Variants in FOXJ3 observed in about 807,000 individuals in gnomAD.
The protein encoded by FOXJ3 is forkhead box J3.
FOXJ3 carries 22 observed loss-of-function variants against 76.1 expected under a neutral mutation model. The observed-to-expected ratio is 0.29, with a 90% confidence interval of 0.21 to 0.41. The LOEUF is 0.41. FOXJ3 is among the 10% of genes least tolerant of loss of function. The probability of loss-of-function intolerance (pLI) is 1.00; values close to 1 mark genes in which losing one functional copy is unlikely to be tolerated. For missense variants in FOXJ3, 613 were observed against 762.1 expected, an observed-to-expected ratio of 0.80 and a Z score of 2.30; for synonymous variants, 269 against 261.2, an observed-to-expected ratio of 1.03 and a Z score of -0.29.
intron 1 of FOXJ3, among the ~76,000 whole-genome samples, chr1:42,316,333 C>CTTTTTTTT (rs71065173): frequency 2.7e-5 from 2 of 73,916 alleles, no homozygotes; most frequent in African/African-American, 4.3e-5. Context: ...TGCATTGGGC[C>CTTTTTTTT]TTTTTTTTTT....
At chr1:42,251,797 C>A (rs112581028) in intron 4 of FOXJ3, among the ~76,000 whole-genome samples, 3,007 of 147,546 alleles carry the variant, frequency 0.02, 104 homozygotes, top group African/African-American at 0.073. Context: ...CGACTCACTG[C>A]AAGCTCCGCC....
chr1:42,228,949 T>C (rs1647824290), intron 4 of FOXJ3, among the ~76,000 whole-genome samples: 1 of 152,218 alleles, frequency 6.6e-6, no homozygotes, highest in African/African-American at 2.4e-5. Context: ...TAGGCCGTTT[T>C]TTAAGGCAAC....
chr1:42,328,641 C>T (rs566283160), intron 1 of FOXJ3, among the ~76,000 whole-genome samples: 1 of 151,062 alleles, frequency 6.6e-6, no homozygotes, highest in African/African-American at 2.4e-5. Context: ...TAATATGGTC[C>T]TAATTATCTC....
At chr1:42,199,000 A>C in intron 7 of FOXJ3, 102 bp downstream of exon 7, 1 of 940,054 alleles carries the variant, frequency 1.1e-6, no homozygotes, top group South Asian at 1.7e-5. Flanking sequence ...TATTAGTGAG[A>C]AAAACATACC....
chr1:42,231,373 A>G (rs1453788794), intron 4 of FOXJ3, among the ~76,000 whole-genome samples: 1 of 152,128 alleles, frequency 6.6e-6, no homozygotes, highest in African/African-American at 2.4e-5. Flanking sequence ...ACTCTGACAC[A>G]TAAGCCAGTC....
Position 42,324,111 on chromosome 1 carries a change from C to CATATATAGTATATATAT in FOXJ3, c.-18+10947_-18+10948insATATATATACTATATAT, listed in dbSNP as rs1289178148. On this transcript the variant is annotated intron_variant, in intron 1 of 12. Coordinates refer to ENST00000361346, the MANE Select transcript of FOXJ3 (RefSeq NM_014947.5). ...ATACTGTATATATACTGTGTATATA[C>CATATATAGTATATATAT]ACTGTATATACACAGTGTATATACA... Among the ~76,000 whole-genome samples, 2 of 27,510 alleles carry CATATATAGTATATATAT rather than the reference C, an allele frequency of 7.3e-5. 1 individual carries two copies. The highest frequency in any genetic ancestry group is 1.4e-4 in the Non-Finnish European group (2 of 14,578). The allele number at this position is 27,510 out of a possible 152,430, so 18.0% of individuals were successfully genotyped here.
chr1:42,248,431 G>T (rs575202012), intron 4 of FOXJ3, among the ~76,000 whole-genome samples: 1 of 152,084 alleles, frequency 6.6e-6, no homozygotes, highest in South Asian at 2.1e-4. Context: ...CTACTCGGGA[G>T]GCTGAGGCAG....
At chr1:42,310,448 T>TTC (rs1286835393) in intron 2 of FOXJ3, among the ~76,000 whole-genome samples, 1 of 150,856 alleles carries the variant, frequency 6.6e-6, no homozygotes, top group East Asian at 1.9e-4. Context: ...CTGGGCTTTT[T>TTC]TCTTTTTTTT....
chr1:42,203,013 C>CT (rs1315436284), intron 6 of FOXJ3, among the ~76,000 whole-genome samples: 1 of 152,178 alleles, frequency 6.6e-6, no homozygotes, highest in Non-Finnish European at 1.5e-5. Flanking sequence ...CCATTTACCT[C>CT]TTAAGTTTTT....
chr1:42,228,642 G>A (rs899579582), intron 4 of FOXJ3, among the ~76,000 whole-genome samples: 2 of 148,944 alleles, frequency 1.3e-5, no homozygotes, highest in Non-Finnish European at 3.0e-5. Context: ...CAAACAAGAA[G>A]AGCAAAACAC....
At chr1:42,305,957 A>G (rs577643971) in intron 2 of FOXJ3, among the ~76,000 whole-genome samples, 1 of 152,362 alleles carries the variant, frequency 6.6e-6, no homozygotes, top group South Asian at 2.1e-4. Flanking sequence ...CTGTATCAAA[A>G]TATCTCATGT....
intron 6 of FOXJ3, among the ~76,000 whole-genome samples, chr1:42,202,558 A>AT (rs939359836): frequency 2.1e-4 from 32 of 152,152 alleles, no homozygotes; most frequent in African/African-American, 6.5e-4. Context: ...ATGTAAAGCC[A>AT]TTTTTTTTCT....
chr1:42,180,313 T>A (rs1646293111), intron 12 of FOXJ3, among the ~76,000 whole-genome samples: 1 of 152,152 alleles, frequency 6.6e-6, no homozygotes, highest in South Asian at 2.1e-4. Flanking sequence ...ACAGAGGACA[T>A]CAACAAGGGA....
intron 4 of FOXJ3, among the ~76,000 whole-genome samples, chr1:42,264,740 A>G (rs1456995874): frequency 1.3e-5 from 2 of 152,188 alleles, no homozygotes; most frequent in Non-Finnish European, 2.9e-5. Context: ...AAATGGGCTA[A>G]TAACAGAGAA....
At chr1:42,212,045 G>A (rs1362366151) in intron 5 of FOXJ3, among the ~76,000 whole-genome samples, 3 of 152,218 alleles carry the variant, frequency 2.0e-5, no homozygotes, top group Non-Finnish European at 4.4e-5. Flanking sequence ...TTTGAGGTCA[G>A]GAGTTCGAGA....
intron 8 of FOXJ3, 29 bp downstream of exon 8, chr1:42,194,861 G>T (rs1162530750): frequency 1.4e-6 from 2 of 1,463,288 alleles, no homozygotes; most frequent in Non-Finnish European, 1.9e-6. Context: ...ATAAAACTTT[G>T]TTATAAAAAA....
chr1:42,235,862 AT>A (rs1231495875), intron 4 of FOXJ3, among the ~76,000 whole-genome samples: 2 of 151,994 alleles, frequency 1.3e-5, no homozygotes, highest in Admixed American at 1.3e-4. Context: ...TAGTTTTCTG[AT>A]TTTTTGTAGA....
chr1:42,293,079 T>C (rs1459284475), intron 2 of FOXJ3, among the ~76,000 whole-genome samples: 1 of 152,122 alleles, frequency 6.6e-6, no homozygotes, highest in Non-Finnish European at 1.5e-5. Context: ...CCAGCCTGGG[T>C]GACACAGTGA....
At chr1:42,248,465 C>T (rs896243290) in intron 4 of FOXJ3, among the ~76,000 whole-genome samples, 3 of 149,232 alleles carry the variant, frequency 2.0e-5, no homozygotes, top group South Asian at 2.1e-4. Flanking sequence ...ACCCGGGAGG[C>T]GGAGTTTGCA....
Sources: gnomAD v4.1 joint callset for allele counts (sites outside exome capture counted in the v4.1 genomes callset) on GRCh38, gnomAD v4.1.1 for gene constraint, MANE v1.5 for transcripts, NCBI Gene and HGNC (gene_info 2026-07-23, HGNC 2026-07-21) for gene names.